SFRP4: variants seen among roughly 807,000 people sequenced by gnomAD.
SFRP4 encodes secreted frizzled related protein 4, also known as secreted frizzled-related protein 4.
A neutral mutation model predicts 36.3 loss-of-function variants in SFRP4; 25 were observed. The observed-to-expected ratio is 0.69, with a 90% confidence interval of 0.50 to 0.96. SFRP4 has a LOEUF of 0.96. Ranked by LOEUF, SFRP4 falls within the 40% of genes least tolerant of loss-of-function variation. The pLI is 0.00. For missense variants in SFRP4, 487 were observed against 459.6 expected (o/e 1.06, Z -0.54); for synonymous variants, 182 against 168.8 (o/e 1.08, Z -0.60).
At chr7:37,914,630 C>T (rs1044899501) in intron 1 of SFRP4, among the ~76,000 whole-genome samples, 177 bp from the exon 2 acceptor site, 9 of 152,148 alleles carry the variant, frequency 5.9e-5, no homozygotes, top group African/African-American at 2.2e-4. Flanking sequence ...TTTGGGAAGC[C>T]AAGGAGGGCA....
chr7:37,908,895 A>G (rs1442765361), intron 5 of SFRP4, among the ~76,000 whole-genome samples: 1 of 152,150 alleles, frequency 6.6e-6, no homozygotes, highest in Non-Finnish European at 1.5e-5. Flanking sequence ...TCTTGCTTGG[A>G]TCTCTTTATT....
intron 5 of SFRP4, among the ~76,000 whole-genome samples, chr7:37,908,165 A>G (rs1328145972): frequency 6.6e-6 from 1 of 152,144 alleles, no homozygotes; most frequent in African/African-American, 2.4e-5. Flanking sequence ...CCCACATCCA[A>G]AGGAAGACAG....
intron 1 of SFRP4, among the ~76,000 whole-genome samples, chr7:37,915,483 A>G (rs1363266205): frequency 2.6e-5 from 4 of 152,220 alleles, no homozygotes; most frequent in Non-Finnish European, 5.9e-5. Context: ...TTCTTTTTAG[A>G]AAAGCAGTCA....
Position 37,912,283 on chromosome 7 carries a change from A to G in SFRP4, c.627T>C (p.Ser209=), listed in dbSNP as rs772515275. The G allele has an allele frequency of 3.1e-6, 5 of 1,613,988 alleles. No homozygotes were observed. The East Asian group carries it at 6.7e-5, about 22-fold the overall frequency. The part of the protein sequence containing the change: ...IHAKIKAVQR[S]GCNEVTTVVD... ...CCACCGTTGTGACCTCATTGCAGCC[A>G]CTCCTCTGCACAGCTTTTATTTTGG... The change falls in exon 4 of 6, where the codon AGT becomes AGC. Residue 209 remains serine (S), a synonymous_variant. Transcript: ENST00000436072.
intron 4 of SFRP4, among the ~76,000 whole-genome samples, chr7:37,911,025 G>A (rs1025516541): frequency 2.0e-5 from 3 of 152,112 alleles, no homozygotes; most frequent in Non-Finnish European, 4.4e-5. Context: ...TTTTTACTGG[G>A]ATGGATTATA....
intron 4 of SFRP4, among the ~76,000 whole-genome samples, chr7:37,910,343 C>G (rs1333474737): frequency 2.6e-5 from 4 of 151,812 alleles, no homozygotes; most frequent in African/African-American, 4.8e-5. Context: ...TTGAACTTCT[C>G]TATATAAATT....
Position 37,916,581 on chromosome 7 carries a change from C to T in SFRP4, c.-44G>A. 6.3e-7 allele frequency: 1 copy of T among 1,574,954 alleles called. No homozygotes were observed. The highest frequency in any genetic ancestry group is 8.6e-7 in the Non-Finnish European group (1 of 1,163,394). On this transcript the variant is annotated 5_prime_UTR_variant, in exon 1 of 6. Coordinates refer to ENST00000436072, the MANE Select transcript of SFRP4 (RefSeq NM_003014.4). This position sits in a 1 kb window ranked among gnomAD's most constrained non-coding sequence, Gnocchi z 4.1. ...TGCGACCCCGGCAGACAGAAAGCGC[C>T]CTTCTCTTCCTGCCACCCTCATCTT...
intron 4 of SFRP4, 30 bp downstream of exon 4, chr7:37,912,089 A>G (rs80321504): frequency 6.4e-7 from 1 of 1,552,176 alleles, no homozygotes; most frequent in South Asian, 1.1e-5. Context: ...AACAGTGTGC[A>G]TACAGTTCCT....
At chr7:37,909,325 T>C (rs1441788723) in intron 5 of SFRP4, among the ~76,000 whole-genome samples, 1 of 152,202 alleles carries the variant, frequency 6.6e-6, no homozygotes, top group Non-Finnish European at 1.5e-5. Flanking sequence ...CATGGTTCAC[T>C]AAAACAACTA....
Position 37,912,235 on chromosome 7 carries a change from C to A in SFRP4, c.675G>T (p.Lys225Asn). The A allele has an allele frequency of 6.2e-7, 1 of 1,614,108 alleles. No homozygotes were observed. The highest frequency in any genetic ancestry group is 8.5e-7 in the Non-Finnish European group (1 of 1,179,968). ...GAGTTCGAGGGATGGGTGATGAGGA[C>A]TTGAAGATCTCTTTTACATCCACCA... is the stretch of plus-strand genomic sequence containing the variant. ...TTVVDVKEIF[K>N]SSSPIPRTQV... Residue 225 changes from lysine (K) to asparagine (N), a missense_variant, in exon 4 of 6, where the codon AAG becomes AAT. Coordinates refer to ENST00000436072, the MANE Select transcript of SFRP4 (RefSeq NM_003014.4).
At chr7:37,912,884 T>C (rs187046189) in intron 3 of SFRP4, among the ~76,000 whole-genome samples, 4 of 152,376 alleles carry the variant, frequency 2.6e-5, no homozygotes, top group Admixed American at 2.6e-4. Flanking sequence ...TGTCACTGTC[T>C]CTGACCAAGT....
rs1050503407 is a variant in SFRP4, at chr7:37,916,421, G to C, written c.117C>G (p.Ile39Met). Residue 39 changes from isoleucine (I) to methionine (M), a missense_variant, in exon 1 of 6, where the codon ATC becomes ATG. Transcript: ENST00000436072. This position sits in a 1 kb window ranked among gnomAD's most constrained non-coding sequence, Gnocchi z 4.1. Reference sequence around the variant, plus strand: ...GGTGCAGGTGGTTGGGCATCCGCGTGATGTTCCAGGGCATGTGCCGGCACA... The same window carrying C: ...GGTGCAGGTGGTTGGGCATCCGCGTCATGTTCCAGGGCATGTGCCGGCACA... ...IPMCRHMPWN[I>M]TRMPNHLHHS... 6.2e-6 allele frequency: 10 copies of C among 1,613,982 alleles called. No homozygotes were observed. The highest frequency in any genetic ancestry group is 1.7e-5 in the Admixed American group (1 of 60,012).
rs752732854 is a variant in SFRP4 at position 37,912,244 on chromosome 7, C to G, written c.666G>C (p.Glu222Asp). ...NEVTTVVDVKEIFKSSSPIPR... is the reference protein window; with the variant it reads ...NEVTTVVDVKDIFKSSSPIPR... ...GGATGGGTGATGAGGACTTGAAGAT[C>G]TCTTTTACATCCACCACCGTTGTGA... Residue 222 changes from glutamate to aspartate, a missense_variant, in exon 4 of 6, where the codon GAG becomes GAC. Transcript: ENST00000436072. 1.6e-5 allele frequency: 26 copies of G among 1,614,030 alleles called. No homozygotes were observed. The highest frequency in any genetic ancestry group is 2.7e-5 in the African/African-American group (2 of 74,916).
At chr7:37,909,048 A>G (rs187905833) in intron 5 of SFRP4, among the ~76,000 whole-genome samples, 1 of 152,298 alleles carries the variant, frequency 6.6e-6, no homozygotes, top group East Asian at 1.9e-4. Flanking sequence ...TTAGATTGGT[A>G]TAATTTCACA....
chr7:37,916,716 C>T lies in SFRP4; in HGVS notation c.-179G>A. ...CGCGGGGTCCGGCCGCGGAGCTCCG[C>T]CGTCTGGCACACAGGGCACGAGCAG... On this transcript the variant is annotated 5_prime_UTR_variant, in exon 1 of 6. Coordinates refer to ENST00000436072, the MANE Select transcript of SFRP4 (RefSeq NM_003014.4). This position sits in a 1 kb window ranked among gnomAD's most constrained non-coding sequence, Gnocchi z 4.1. 5 of 926,682 alleles carry T rather than the reference C, an allele frequency of 5.4e-6. No homozygotes were observed. Among genetic ancestry groups the T allele is most frequent in the Non-Finnish European group, 7.9e-6 (5 of 633,738 alleles). 57.4% of individuals were successfully genotyped at this position (926,682 alleles called of 1,614,324 possible).
In SFRP4 at chr7:37,914,261, T is replaced by G; in HGVS notation, c.544A>C (p.Lys182Gln). ...TACGTTGCCAAAGTTGGCTTCACCT[T>G]TTTACACTTGCACCGATCTAAAAAA... ...RLSPDRCKCK[K>Q]VKPTLATYLS... is the part of the protein sequence containing the mutation. The change falls in exon 3 of 6, where the codon AAG (lysine) becomes CAG (glutamine). Residue 182 changes from lysine to glutamine, a missense_variant. By Grantham distance (53) the Lys-to-Gln change is moderately conservative. Coordinates refer to ENST00000436072, the MANE Select transcript of SFRP4 (RefSeq NM_003014.4). 6.2e-7 allele frequency: 1 copy of G among 1,614,136 alleles called. No individual in the cohort carries two copies. Among genetic ancestry groups the G allele is most frequent in the South Asian group, 1.1e-5 (1 of 91,082 alleles).
chr7:37,915,242 T>C (rs1333944665), intron 1 of SFRP4, among the ~76,000 whole-genome samples: 2 of 152,220 alleles, frequency 1.3e-5, no homozygotes, highest in Non-Finnish European at 2.9e-5. Context: ...ACAATAAATA[T>C]GTTTTCTTTC....
Position 37,907,432 on chromosome 7 carries a change from T to G in SFRP4, c.*47A>C. On this transcript the variant is annotated 3_prime_UTR_variant, in exon 6 of 6. Transcript: ENST00000436072. ...AGGCTGTCCCAGGCAATGCCCAGCCTCATCCTGTAAGGAAGTCGGAAGTCT... is the reference window on the plus strand; with the variant it reads ...AGGCTGTCCCAGGCAATGCCCAGCCGCATCCTGTAAGGAAGTCGGAAGTCT... 2 of 1,552,952 alleles carry G rather than the reference T, an allele frequency of 1.3e-6. No individual in the cohort carries two copies. Among genetic ancestry groups the G allele is most frequent in the Non-Finnish European group, 1.8e-6 (2 of 1,136,750 alleles).
chr7:37,911,152 T>G (rs536815825), intron 4 of SFRP4, among the ~76,000 whole-genome samples: 1 of 152,350 alleles, frequency 6.6e-6, no homozygotes, highest in African/African-American at 2.4e-5. Flanking sequence ...AATCACTGAT[T>G]GCTTCTTTAG....
Sources: allele counts gnomAD v4.1 joint callset (sites outside exome capture counted in the v4.1 genomes callset), GRCh38; gene constraint gnomAD v4.1.1; non-coding constraint Gnocchi (gnomAD v3.1); transcripts MANE v1.5; gene names NCBI Gene and HGNC (gene_info 2026-07-23, HGNC 2026-07-21).